TJP1: variants seen among roughly 807,000 people sequenced by gnomAD.
TJP1 encodes the protein tight junction protein 1.
A neutral mutation model predicts 194.2 loss-of-function variants in TJP1; 43 were observed. The ratio of observed to expected loss-of-function variants is 0.22; its 90% CI spans 0.17 to 0.29. The LOEUF (loss-of-function observed/expected upper bound fraction) is 0.29. Among genes scored for constraint, TJP1 ranks in the 10% least tolerant of loss-of-function variants. TJP1 has a pLI of 1.00. For missense variants in TJP1, 1,971 were observed against 2,185.7 expected (o/e 0.90, Z 1.96); for synonymous variants, 801 against 779.0 (o/e 1.03, Z -0.47).
At chr15:29,940,297 T>C (rs574071336) in intron 2 of TJP1, among the ~76,000 whole-genome samples, 26 of 152,316 alleles carry the variant, frequency 1.7e-4, no homozygotes, top group African/African-American at 4.6e-4. Flanking sequence ...ACACAGAGCG[T>C]GTGCCCATGT....
At chr15:29,725,292 A>G (rs1259727981) in intron 18 of TJP1, among the ~76,000 whole-genome samples, 1 of 152,148 alleles carries the variant, frequency 6.6e-6, no homozygotes, top group Non-Finnish European at 1.5e-5. Context: ...ACACATTACT[A>G]TAGGTGAGAA....
In TJP1 at chr15:29,757,779, C is replaced by A. The variant is rs181260675; in HGVS notation, c.1010+3360G>T. On this transcript the variant is annotated intron_variant, in intron 8 of 27. Coordinates refer to ENST00000614355, the MANE Select transcript of TJP1 (RefSeq NM_001330239.4). ...ATTAGTTCCCACATCTAGCAGTGCA[C>A]ATAAGAGAAAGATGCCAGGAGCTTA... Among the ~76,000 whole-genome samples the A allele has an allele frequency of 3.0e-4, 45 of 152,250 alleles. No homozygotes were observed. The East Asian group carries it at 8.1e-3, about 27-fold the overall frequency.
intron 2 of TJP1, among the ~76,000 whole-genome samples, chr15:29,901,521 G>A (rs1305846906): frequency 2.0e-5 from 3 of 152,188 alleles, no homozygotes; most frequent in Non-Finnish European, 1.5e-5. Flanking sequence ...ATCCTTGGCA[G>A]TAAACAAGTG....
At position 29,818,498 on chromosome 15, in the gene TJP1, G is replaced by C. The variant is rs531959058; in HGVS notation, c.27+3504C>G. ...GACGTTTATCACACATATAAAAAAC[G>C]TTTTTTTCCTTTATTTATTTATTTG... is the stretch of plus-strand genomic sequence containing the variant. On this transcript the variant is annotated intron_variant, in intron 1 of 27. Coordinates refer to ENST00000614355, the MANE Select transcript of TJP1 (RefSeq NM_001330239.4). Among the ~76,000 whole-genome samples, 6 of 152,160 alleles carry C rather than the reference G, an allele frequency of 3.9e-5. No homozygotes were observed. The South Asian group carries it at 1.2e-3, about 32-fold the overall frequency.
chr15:29,765,640 C>G (rs2046285867), intron 5 of TJP1, among the ~76,000 whole-genome samples: 1 of 152,134 alleles, frequency 6.6e-6, no homozygotes, highest in Non-Finnish European at 1.5e-5. Flanking sequence ...CCTATAATCC[C>G]AGCACTGTGG....
intron 2 of TJP1, among the ~76,000 whole-genome samples, chr15:29,778,536 T>G (rs1398990067): frequency 6.6e-6 from 1 of 152,146 alleles, no homozygotes; most frequent in Non-Finnish European, 1.5e-5. Flanking sequence ...CTACAAGTGT[T>G]GGCAGTGCTG....
intron 2 of TJP1, among the ~76,000 whole-genome samples, chr15:29,848,107 T>C (rs1428565176): frequency 6.6e-6 from 1 of 152,126 alleles, no homozygotes; most frequent in Non-Finnish European, 1.5e-5. Context: ...TCCTGAGGCA[T>C]GTTTTATGAC....
intron 2 of TJP1, among the ~76,000 whole-genome samples, chr15:29,900,692 T>C (rs536425154): frequency 2.6e-5 from 4 of 152,198 alleles, no homozygotes; most frequent in Non-Finnish European, 4.4e-5. Flanking sequence ...GTAATCAATA[T>C]ACATGAAGGC....
At chr15:29,888,980 G>A (rs1839663112) in intron 2 of TJP1, among the ~76,000 whole-genome samples, 1 of 152,330 alleles carries the variant, frequency 6.6e-6, no homozygotes, top group African/African-American at 2.4e-5. Flanking sequence ...CCCAGGAAAT[G>A]TGCTCTGTGG....
At chr15:29,873,583 C>T (rs1253498180) in intron 2 of TJP1, among the ~76,000 whole-genome samples, 1 of 152,182 alleles carries the variant, frequency 6.6e-6, no homozygotes, top group African/African-American at 2.4e-5. Flanking sequence ...ATGATCAAGA[C>T]AATTTTTGCT....
chr15:29,773,517 G>A (rs562121921), intron 2 of TJP1, among the ~76,000 whole-genome samples, 160 bp from the exon 3 acceptor site: 1 of 152,116 alleles, frequency 6.6e-6, no homozygotes, highest in East Asian at 1.9e-4. Flanking sequence ...AATTATCCTT[G>A]TACAAGAATG....
chr15:29,712,871 A>T (rs188230099), intron 23 of TJP1, among the ~76,000 whole-genome samples: 47 of 152,196 alleles, frequency 3.1e-4, no homozygotes, highest in African/African-American at 1.1e-3. Flanking sequence ...GGAAAAAGTA[A>T]CACAACAGAA....
chr15:29,764,120 AT>A (rs1226458623), intron 5 of TJP1, among the ~76,000 whole-genome samples: 2 of 152,170 alleles, frequency 1.3e-5, no homozygotes, highest in African/African-American at 4.8e-5. Flanking sequence ...CACTCTGGCA[AT>A]TTGCAGTCAG....
At chr15:29,891,760 G>A (rs1260399276) in intron 2 of TJP1, among the ~76,000 whole-genome samples, 2 of 152,186 alleles carry the variant, frequency 1.3e-5, no homozygotes, top group African/African-American at 2.4e-5. Context: ...ATCTACAAAT[G>A]TTGGGTGTGT....
At chr15:29,800,394 CA>C in intron 2 of TJP1, 1 of 497,970 alleles carries the variant, frequency 2.0e-6, no homozygotes, top group Non-Finnish European at 3.5e-6. Context: ...TCTGATCACT[CA>C]AAATTTTAAA....
chr15:29,952,790 T>C (rs939500534), intron 2 of TJP1, among the ~76,000 whole-genome samples: 6 of 152,200 alleles, frequency 3.9e-5, no homozygotes, highest in Non-Finnish European at 5.9e-5. Context: ...GTCATACATT[T>C]AATCAGAATT....
chr15:29,777,936 A>G (rs2047119964), intron 2 of TJP1, among the ~76,000 whole-genome samples: 1 of 152,164 alleles, frequency 6.6e-6, no homozygotes, highest in Non-Finnish European at 1.5e-5. Flanking sequence ...GTAATTTAGT[A>G]ATTTGAAAAA....
intron 2 of TJP1, among the ~76,000 whole-genome samples, chr15:29,833,148 A>G (rs138575071): frequency 1.3e-3 from 202 of 152,354 alleles, no homozygotes; most frequent in Admixed American, 0.011. Context: ...AAAGTTCTAT[A>G]TAGAAGCCAC....
intron 2 of TJP1, among the ~76,000 whole-genome samples, chr15:29,908,047 G>GAAAAAAAAA: frequency 3.3e-4 from 1 of 3,038 alleles, no homozygotes; most frequent in Non-Finnish European, 9.4e-4. Flanking sequence ...ACCTTATAAA[G>GAAAAAAAAA]CAAAAAAAAA....
Sources: allele counts gnomAD v4.1 joint callset (sites outside exome capture counted in the v4.1 genomes callset), GRCh38; gene constraint gnomAD v4.1.1; transcripts MANE v1.5; gene names NCBI Gene and HGNC (gene_info 2026-07-23, HGNC 2026-07-21).